Variants in ANK3 observed in about 807,000 individuals in gnomAD.
ANK3 encodes ankyrin-3.
Under a neutral mutation model 370.9 loss-of-function variants are expected in ANK3, and 57 were observed. That is an observed-to-expected ratio of 0.15 (90% CI 0.12 to 0.19). The LOEUF is 0.19. ANK3 is among the 10% of genes least tolerant of loss of function. The pLI is 1.00. For synonymous variants in ANK3, 1,929 were observed against 1,946.3 expected (o/e 0.99, Z 0.23); for missense variants, 4,439 against 5,302.1 (o/e 0.84, Z 5.06).
Position 60,056,025 on chromosome 10 carries a change from C to A in ANK3, c.12698G>T (p.Cys4233Phe), listed in dbSNP as rs764325997. The change falls in exon 42 of 44, where the codon TGT becomes TTT. Residue 4233 changes from cysteine to phenylalanine, a missense_variant. Physicochemically the swap from Cys to Phe is radical, Grantham distance 205. This residue lies in a region of ANK3 where 242 missense variants were observed against 228.0 expected (regional missense o/e 1.06). Transcript: ENST00000280772. ...LDRLDDSPDQ[C>F]RDSITSYLKG... ...GAGATATGAGGTAATGGAATCTCTA[C>A]ACTGGTCAGGGCTGCAACAGAAAAT... is the stretch of plus-strand genomic sequence containing the variant. 6.2e-7 allele frequency: 1 copy of A among 1,611,724 alleles called. No individual in the cohort carries two copies. The highest frequency in any genetic ancestry group is 8.5e-7 in the Non-Finnish European group (1 of 1,179,370).
intron 23 of ANK3, among the ~76,000 whole-genome samples, chr10:60,153,387 G>GGAGAA (rs1400383627): frequency 6.6e-6 from 1 of 152,212 alleles, no homozygotes; most frequent in South Asian, 2.1e-4. Context: ...AAATGGAGAT[G>GGAGAA]GAGAAGAGAA....
chr10:60,271,089 G>A lies in ANK3; in HGVS notation c.415-860C>T, dbSNP rs2097972247. 2.0e-5 allele frequency among the ~76,000 whole-genome samples: 3 copies of A among 151,822 alleles called. No homozygotes were observed. The South Asian group carries it at 6.2e-4, about 32-fold the overall frequency. On this transcript the variant is annotated intron_variant, in intron 4 of 43. Transcript: ENST00000280772. ...ATGTTGTATATATATTTTTTCTCTAGAATAATGTATTTCATATCTATGAAA... is the reference window on the plus strand; with the variant it reads ...ATGTTGTATATATATTTTTTCTCTAAAATAATGTATTTCATATCTATGAAA...
intron 2 of ANK3, among the ~76,000 whole-genome samples, chr10:60,483,866 G>T (rs1417548868): frequency 6.6e-6 from 1 of 152,162 alleles, no homozygotes; most frequent in Non-Finnish European, 1.5e-5. Context: ...GCTTGAATAG[G>T]CTTGCAAAAG....
intron 1 of ANK3, among the ~76,000 whole-genome samples, chr10:60,367,652 T>C (rs1285935693): frequency 6.6e-6 from 1 of 152,128 alleles, no homozygotes; most frequent in Non-Finnish European, 1.5e-5. Flanking sequence ...CTGAAGGTGA[T>C]TAGGCTGGTA....
chr10:60,246,466 A>G (rs1207476833), intron 7 of ANK3, among the ~76,000 whole-genome samples: 1 of 152,178 alleles, frequency 6.6e-6, no homozygotes, highest in Non-Finnish European at 1.5e-5. Flanking sequence ...GATTAAGTCC[A>G]TACTGGATTT....
intron 1 of ANK3, among the ~76,000 whole-genome samples, chr10:60,684,000 T>A (rs2079232038): frequency 6.6e-6 from 1 of 152,242 alleles, no homozygotes; most frequent in Non-Finnish European, 1.5e-5. Flanking sequence ...AGAATACTTT[T>A]AAGCTATGTG....
chr10:60,282,157 A>T (rs983417364), intron 1 of ANK3, among the ~76,000 whole-genome samples: 1 of 152,194 alleles, frequency 6.6e-6, no homozygotes. Context: ...GGAACAAATG[A>T]CATCAGTCTG....
chr10:60,186,133 T>C (rs2096321495), intron 17 of ANK3, among the ~76,000 whole-genome samples: 1 of 152,184 alleles, frequency 6.6e-6, no homozygotes, highest in Admixed American at 6.5e-5. Context: ...GTTTGTGAAA[T>C]AAAGCAAAGG....
intron 8 of ANK3, among the ~76,000 whole-genome samples, chr10:60,220,017 C>T (rs1013673402): frequency 6.6e-6 from 1 of 151,986 alleles, no homozygotes; most frequent in African/African-American, 2.4e-5. Flanking sequence ...AGCAGCCTTT[C>T]AAGTGAAAAC....
chr10:60,698,673 A>G (rs980093739), intron 1 of ANK3, among the ~76,000 whole-genome samples: 16 of 139,854 alleles, frequency 1.1e-4, no homozygotes, highest in African/African-American at 3.4e-4. Flanking sequence ...AACACCGCAT[A>G]TTCTCACTCA....
At chr10:60,615,276 T>G in intron 1 of ANK3, 6 of 1,328,360 alleles carry the variant, frequency 4.5e-6, no homozygotes, top group Non-Finnish European at 6.1e-6. Flanking sequence ...ATTCCATATA[T>G]TTACCATGAC....
At chr10:60,703,192 T>C (rs1373351280) in intron 1 of ANK3, among the ~76,000 whole-genome samples, 2 of 152,210 alleles carry the variant, frequency 1.3e-5, no homozygotes, top group Non-Finnish European at 2.9e-5. Flanking sequence ...TTAGTGGATA[T>C]TTGATAATTT....
chr10:60,685,428 C>G (rs1255361993), intron 1 of ANK3, among the ~76,000 whole-genome samples: 1 of 151,998 alleles, frequency 6.6e-6, no homozygotes, highest in Non-Finnish European at 1.5e-5. Flanking sequence ...GTTCTTAATG[C>G]CCCTCCCTCA....
At chr10:60,217,087 T>C (rs766217759) in intron 8 of ANK3, among the ~76,000 whole-genome samples, 1 of 152,198 alleles carries the variant, frequency 6.6e-6, no homozygotes, top group East Asian at 1.9e-4. Flanking sequence ...TAGTAGTTTG[T>C]ATTTCTGTGA....
At position 60,088,864 on chromosome 10, in the gene ANK3, A is replaced by ATACTT. The variant is rs1486097502; in HGVS notation, c.3329-507_3329-506insAAGTA. On this transcript the variant is annotated intron_variant, in intron 28 of 43. Transcript: ENST00000280772. The stretch of plus-strand genomic sequence containing the variant: ...ACTATTAATATAAGTATTTGTAGAA[A>ATACTT]ATATTTTTACAGAGTGGGAACAAAC... 1.7e-3 allele frequency among the ~76,000 whole-genome samples: 261 copies of ATACTT among 152,342 alleles called. 1 individual carries two copies. The highest frequency in any genetic ancestry group is 5.7e-3 in the African/African-American group (238 of 41,586).
intron 43 of ANK3, among the ~76,000 whole-genome samples, chr10:60,030,332 C>T (rs898513516): frequency 5.9e-5 from 9 of 151,804 alleles, no homozygotes; most frequent in East Asian, 1.9e-4. Context: ...TTAGTAGAGA[C>T]GGGGTTTCAC....
intron 2 of ANK3, among the ~76,000 whole-genome samples, chr10:60,527,344 A>G (rs2076497288): frequency 6.6e-6 from 1 of 152,142 alleles, no homozygotes. Flanking sequence ...AATGTACACT[A>G]TGTAACCATA....
chr10:60,699,613 T>C (rs2079519354), intron 1 of ANK3, among the ~76,000 whole-genome samples: 1 of 151,932 alleles, frequency 6.6e-6, no homozygotes, highest in Non-Finnish European at 1.5e-5. Context: ...CCAAGAAGCA[T>C]AATATAATGA....
intron 32 of ANK3, chr10:60,083,989 G>C (rs575020860): frequency 6.1e-6 from 1 of 164,246 alleles, no homozygotes; most frequent in Non-Finnish European, 1.3e-5. Context: ...GAAAATCATA[G>C]TAATGTGTAT....
Sources: allele counts gnomAD v4.1 joint callset (sites outside exome capture counted in the v4.1 genomes callset), GRCh38; gene constraint gnomAD v4.1.1; regional missense constraint gnomAD v4.1.1; transcripts MANE v1.5; gene names NCBI Gene and HGNC (gene_info 2026-07-23, HGNC 2026-07-21).